Variants in HECW2 observed in about 807,000 individuals in gnomAD.
The protein encoded by HECW2 is HECT, C2 and WW domain containing E3 ubiquitin protein ligase 2.
HECW2 carries 61 observed loss-of-function variants against 175.2 expected under a neutral mutation model. The ratio of observed to expected loss-of-function variants is 0.35; its 90% confidence interval spans 0.28 to 0.43. The LOEUF (loss-of-function observed/expected upper bound fraction) is 0.43, where lower values mean the gene tolerates loss of function less well. Ranked by LOEUF, HECW2 falls within the 20% of genes least tolerant of loss-of-function variation. The pLI is 1.00. For synonymous variants in HECW2, 671 were observed against 731.0 expected (o/e 0.92, Z 1.32); for missense variants, 1,524 against 2,000.5 (o/e 0.76, Z 4.54).
intron 18 of HECW2, among the ~76,000 whole-genome samples, chr2:196,256,191 AAAT>A (rs1257812794): frequency 6.6e-6 from 1 of 152,196 alleles, no homozygotes; most frequent in Non-Finnish European, 1.5e-5. Context: ...ACTATTATTA[AAAT>A]AATAAACACA....
chr2:196,575,327 A>G (rs1415863482), intron 1 of HECW2, among the ~76,000 whole-genome samples: 1 of 152,182 alleles, frequency 6.6e-6, no homozygotes, highest in Non-Finnish European at 1.5e-5. Context: ...GTAAACTGGT[A>G]CAGTCATTGT....
rs568976286 is a variant in HECW2 at position 196,465,444 on chromosome 2, C to T, written c.-35-31986G>A. Among the ~76,000 whole-genome samples, 7 of 152,144 alleles carry T rather than the reference C, an allele frequency of 4.6e-5. No individual in the cohort carries two copies. In the East Asian group the frequency reaches 1.4e-3, roughly 29 times the overall value. ...TTAAAATAATGCTGGATTCAGTGTTCTTAGTCCTCCGAAGTAGGAATCATG... is the reference window on the plus strand; with the variant it reads ...TTAAAATAATGCTGGATTCAGTGTTTTTAGTCCTCCGAAGTAGGAATCATG... On this transcript the variant is annotated intron_variant, in intron 1 of 28. Coordinates refer to ENST00000644978, the MANE Select transcript of HECW2 (RefSeq NM_001348768.2).
chr2:196,283,917 G>A (rs1264124801), intron 14 of HECW2, among the ~76,000 whole-genome samples: 1 of 152,112 alleles, frequency 6.6e-6, no homozygotes, highest in African/African-American at 2.4e-5. Flanking sequence ...GAAATGTACA[G>A]TTGGAACTTA....
intron 1 of HECW2, among the ~76,000 whole-genome samples, chr2:196,523,715 C>G (rs919070552): frequency 2.0e-5 from 3 of 151,562 alleles, no homozygotes; most frequent in Non-Finnish European, 4.4e-5. Context: ...AAGGCTTTTT[C>G]TGCATCTATT....
At chr2:196,584,828 C>T (rs2125533078) in intron 1 of HECW2, among the ~76,000 whole-genome samples, 1 of 152,348 alleles carries the variant, frequency 6.6e-6, no homozygotes, top group East Asian at 1.9e-4. Context: ...ACACAACATT[C>T]TCTGCCAAAG....
intron 21 of HECW2, 34 bp from the exon 22 acceptor site, chr2:196,228,288 T>G (rs1172823510): frequency 6.3e-7 from 1 of 1,576,164 alleles, no homozygotes; most frequent in African/African-American, 1.4e-5. Flanking sequence ...AATAATCTGT[T>G]ACTTTTTTTC....
At position 196,307,915 on chromosome 2, in the gene HECW2, A is replaced by G. The variant is rs538122065; in HGVS notation, c.2585+20T>C. ...CCCAACCACAAAATACAACAGTCAC[A>G]GCAAAATGTTCATCCTCACCGCCGG... On this transcript the variant is annotated intron_variant, in intron 11 of 28. Coordinates refer to ENST00000644978, the MANE Select transcript of HECW2 (RefSeq NM_001348768.2). 2 of 1,501,498 alleles carry G rather than the reference A, an allele frequency of 1.3e-6. No homozygotes were observed. Among genetic ancestry groups the G allele is most frequent in the East Asian group, 2.4e-5 (1 of 42,348 alleles). 93.0% of individuals were successfully genotyped at this position (1,501,498 alleles called of 1,614,324 possible). A position where few individuals can be genotyped will look rare whatever the true frequency, so the allele number is the denominator to read the frequency against.
intron 14 of HECW2, chr2:196,290,178 A>T (rs1690554724): frequency 6.6e-6 from 1 of 152,198 alleles, no homozygotes; most frequent in Non-Finnish European, 1.5e-5. Context: ...CTACAATGCC[A>T]ACTTCAAGTT....
chr2:196,566,936 G>A (rs13431500), intron 1 of HECW2, among the ~76,000 whole-genome samples: 7,689 of 152,164 alleles, frequency 0.051, 646 homozygotes, highest in African/African-American at 0.17. Flanking sequence ...CTGGCAGATT[G>A]CTAGGCATTC....
At chr2:196,472,469 C>T (rs1225366712) in intron 1 of HECW2, among the ~76,000 whole-genome samples, 1 of 111,054 alleles carries the variant, frequency 9.0e-6, no homozygotes, top group Non-Finnish European at 1.7e-5. Flanking sequence ...GCCTGGGTGA[C>T]AGAGACTCCG....
Position 196,319,579 on chromosome 2 carries a change from A to G in HECW2, c.1311T>C (p.Ser437=), listed in dbSNP as rs1691858768. The G allele has an allele frequency of 6.2e-7, 1 of 1,614,258 alleles. No homozygotes were observed. Among genetic ancestry groups the G allele is most frequent in the Middle Eastern group, 1.6e-4 (1 of 6,062 alleles). The change falls in exon 9 of 29, where the codon TCT becomes TCC. Residue 437 remains serine, a synonymous_variant. Transcript: ENST00000644978. ...TCGGAGAGGCACCCATGGACCTCTC[A>G]GAGCAGGTCGCTGTCCCCGGCCTGG... is the stretch of plus-strand genomic sequence containing the variant. ...GHSRPGTATC[S]ERSMGASPKL... is the part of the protein sequence containing the mutation.
chr2:196,443,909 C>T (rs1696109806), intron 1 of HECW2, among the ~76,000 whole-genome samples: 1 of 152,102 alleles, frequency 6.6e-6, no homozygotes, highest in African/African-American at 2.4e-5. Context: ...GTGGCGTGCG[C>T]CTATAGTCCC....
At chr2:196,444,120 C>T (rs567176871) in intron 1 of HECW2, among the ~76,000 whole-genome samples, 30 of 152,306 alleles carry the variant, frequency 2.0e-4, no homozygotes, top group Non-Finnish European at 2.4e-4. Flanking sequence ...TTGAAAGATA[C>T]GAAACTTTTA....
intron 19 of HECW2, among the ~76,000 whole-genome samples, chr2:196,249,810 A>C (rs905982950): frequency 1.3e-5 from 2 of 152,222 alleles, no homozygotes; most frequent in Admixed American, 6.5e-5. Flanking sequence ...AGCCCACTGA[A>C]ACAGAGTAGG....
intron 17 of HECW2, among the ~76,000 whole-genome samples, chr2:196,269,653 T>C (rs183152419): frequency 1.6e-3 from 243 of 152,032 alleles, no homozygotes; most frequent in African/African-American, 5.5e-3. Flanking sequence ...GGAGGAAAAA[T>C]AATGATGAGT....
At chr2:196,322,016 A>G (rs1381141408) in intron 7 of HECW2, among the ~76,000 whole-genome samples, 3 of 152,362 alleles carry the variant, frequency 2.0e-5, no homozygotes, top group Non-Finnish European at 4.4e-5. Context: ...GAATGAATGT[A>G]TATGTCTAGG....
chr2:196,248,670 A>C (rs1688746325), intron 19 of HECW2, among the ~76,000 whole-genome samples: 1 of 151,056 alleles, frequency 6.6e-6, no homozygotes, highest in Non-Finnish European at 1.5e-5. Context: ...AGGAAGGAAG[A>C]AAAGGAGAGA....
At chr2:196,485,710 T>G (rs1686978751) in intron 1 of HECW2, among the ~76,000 whole-genome samples, 1 of 152,072 alleles carries the variant, frequency 6.6e-6, no homozygotes, top group African/African-American at 2.4e-5. Flanking sequence ...GGAAAGCTAC[T>G]GGGAAGGAAC....
intron 1 of HECW2, among the ~76,000 whole-genome samples, chr2:196,585,015 TA>T (rs1440979030): frequency 1.3e-5 from 2 of 152,064 alleles, no homozygotes; most frequent in Non-Finnish European, 2.9e-5. Flanking sequence ...AACTCTCTAA[TA>T]AAAAAAATTC....
Sources: allele counts gnomAD v4.1 joint callset (sites outside exome capture counted in the v4.1 genomes callset), GRCh38; gene constraint gnomAD v4.1.1; transcripts MANE v1.5; gene names NCBI Gene and HGNC (gene_info 2026-07-23, HGNC 2026-07-21).